Variants in GALNT18 observed in about 807,000 individuals in gnomAD.
The protein encoded by GALNT18 is polypeptide N-acetylgalactosaminyltransferase 18.
Under a neutral mutation model 69.5 loss-of-function variants are expected in GALNT18, and 44 were observed. The observed-to-expected ratio is 0.63, with a 90% CI of 0.50 to 0.81. GALNT18 has a LOEUF of 0.81. Among genes scored for constraint, GALNT18 ranks in the 40% least tolerant of loss-of-function variants. The pLI is 0.00. For missense variants in GALNT18, 715 were observed against 810.0 expected (o/e 0.88, Z 1.42); for synonymous variants, 364 against 318.2 (o/e 1.14, Z -1.53).
chr11:11,325,179 A>G (rs1849897409), intron 9 of GALNT18, among the ~76,000 whole-genome samples: 1 of 152,266 alleles, frequency 6.6e-6, no homozygotes, highest in African/African-American at 2.4e-5. Flanking sequence ...TCAGCCACAA[A>G]AAGAAATAAA....
intron 2 of GALNT18, among the ~76,000 whole-genome samples, chr11:11,437,404 C>T (rs1016333307): frequency 6.6e-5 from 10 of 152,090 alleles, no homozygotes; most frequent in African/African-American, 2.4e-4. Context: ...TCATGACAGA[C>T]TCCATTCTAT....
At chr11:11,321,977 GT>G (rs1333722851) in intron 9 of GALNT18, among the ~76,000 whole-genome samples, 23 of 152,336 alleles carry the variant, frequency 1.5e-4, no homozygotes, top group Admixed American at 6.5e-4. Flanking sequence ...TCAGTCCAGG[GT>G]TGGTTGCAGC....
intron 10 of GALNT18, among the ~76,000 whole-genome samples, chr11:11,292,262 G>C (rs563989380): frequency 6.6e-6 from 1 of 152,094 alleles, no homozygotes; most frequent in Non-Finnish European, 1.5e-5. Flanking sequence ...GGCTGAAAAT[G>C]GATCCTACCT....
At chr11:11,296,841 C>T (rs1849410689) in intron 9 of GALNT18, among the ~76,000 whole-genome samples, 2 of 152,106 alleles carry the variant, frequency 1.3e-5, no homozygotes. Flanking sequence ...GGAGGTTCGG[C>T]AAAGAGGATT....
At chr11:11,326,818 G>T (rs1050898491) in intron 9 of GALNT18, among the ~76,000 whole-genome samples, 6 of 152,184 alleles carry the variant, frequency 3.9e-5, no homozygotes, top group African/African-American at 1.4e-4. Context: ...TTTCTCTTTA[G>T]AAGTGTAACC....
Position 11,564,356 on chromosome 11 carries a change from C to A in GALNT18, c.235+57003G>T, listed in dbSNP as rs1349270536. Among the ~76,000 whole-genome samples the A allele has an allele frequency of 6.6e-6, 1 of 152,202 alleles. No homozygotes were observed. Among genetic ancestry groups the A allele is most frequent in the Non-Finnish European group, 1.5e-5 (1 of 68,048 alleles). ...GGGAGTCTACATTCTGCTGGCAACTCCAGCTGAGAACCCAAATCCCCGGAA... is the reference window on the plus strand; with the variant it reads ...GGGAGTCTACATTCTGCTGGCAACTACAGCTGAGAACCCAAATCCCCGGAA... On this transcript the variant is annotated intron_variant, in intron 1 of 10. Transcript: ENST00000227756. This position sits in a 1 kb window ranked among gnomAD's most constrained non-coding sequence, Gnocchi z 4.3.
chr11:11,567,817 G>A (rs1858689345), intron 1 of GALNT18, among the ~76,000 whole-genome samples: 1 of 152,228 alleles, frequency 6.6e-6, no homozygotes, highest in Admixed American at 6.5e-5. Flanking sequence ...CAAAGACTAT[G>A]TCCTAGGGAG....
At chr11:11,507,658 C>T (rs1857091820) in intron 1 of GALNT18, among the ~76,000 whole-genome samples, 1 of 152,168 alleles carries the variant, frequency 6.6e-6, no homozygotes, top group African/African-American at 2.4e-5. Context: ...TCCTGCTCCA[C>T]CTCTGTGATG....
chr11:11,565,902 A>G (rs1303390568), intron 1 of GALNT18, among the ~76,000 whole-genome samples: 1 of 152,232 alleles, frequency 6.6e-6, no homozygotes, highest in Non-Finnish European at 1.5e-5. Flanking sequence ...AAGACAGTGT[A>G]GAGAAGTGTT....
chr11:11,456,790 G>A (rs1855934612), intron 1 of GALNT18, among the ~76,000 whole-genome samples: 1 of 152,168 alleles, frequency 6.6e-6, no homozygotes, highest in African/African-American at 2.4e-5. Flanking sequence ...GTGCATGACT[G>A]TTTTTCAAAA....
intron 9 of GALNT18, among the ~76,000 whole-genome samples, chr11:11,301,533 G>A (rs1564886978): frequency 6.6e-6 from 1 of 152,228 alleles, no homozygotes. Context: ...GGAATGGGAA[G>A]CATTTATAAG....
At chr11:11,452,261 C>T (rs1405491822) in intron 1 of GALNT18, among the ~76,000 whole-genome samples, 1 of 152,224 alleles carries the variant, frequency 6.6e-6, no homozygotes, top group Non-Finnish European at 1.5e-5. Flanking sequence ...TCCTCCAGCT[C>T]TACCATTTGC....
In GALNT18 at chr11:11,413,112, A is replaced by G. The variant is rs536962243; in HGVS notation, c.595+19509T>C. Among the ~76,000 whole-genome samples the G allele has an allele frequency of 6.6e-6, 1 of 152,174 alleles. No individual in the cohort carries two copies. Among genetic ancestry groups the G allele is most frequent in the Non-Finnish European group, 1.5e-5 (1 of 68,038 alleles). On this transcript the variant is annotated intron_variant, in intron 3 of 10. Coordinates refer to ENST00000227756, the MANE Select transcript of GALNT18 (RefSeq NM_198516.3). The surrounding 1 kb of genome is among the most constrained non-coding windows in gnomAD (Gnocchi z 4.7). ...TGTCTTATCTCCCTACCCCACTGGC[A>G]TATCTTGAACTTCCTGAATAAACTG...
At chr11:11,361,790 C>T (rs1850651669) in intron 6 of GALNT18, among the ~76,000 whole-genome samples, 1 of 152,162 alleles carries the variant, frequency 6.6e-6, no homozygotes, top group Admixed American at 6.5e-5. Context: ...GCCATAAATC[C>T]TGACATCACG....
chr11:11,560,753 GTCCA>G (rs1858485959), intron 1 of GALNT18, among the ~76,000 whole-genome samples: 1 of 152,226 alleles, frequency 6.6e-6, no homozygotes, highest in Non-Finnish European at 1.5e-5. Context: ...GGCTGAAACA[GTCCA>G]TTTTCTTGGG....
chr11:11,419,820 G>A (rs1350816815), intron 3 of GALNT18, among the ~76,000 whole-genome samples: 1 of 152,012 alleles, frequency 6.6e-6, no homozygotes, highest in African/African-American at 2.4e-5. Flanking sequence ...TGGGACATGA[G>A]CTCCTAAAAT....
chr11:11,276,785 CTGGTT>C (rs1848958952), intron 10 of GALNT18, among the ~76,000 whole-genome samples: 2 of 152,140 alleles, frequency 1.3e-5, no homozygotes, highest in Non-Finnish European at 2.9e-5. Context: ...GTTTTTGTCA[CTGGTT>C]CTGTTTATGT....
At chr11:11,608,560 A>T (rs1358029705) in intron 1 of GALNT18, among the ~76,000 whole-genome samples, 2 of 152,002 alleles carry the variant, frequency 1.3e-5, no homozygotes, top group African/African-American at 4.8e-5. Flanking sequence ...ACAGGATTTC[A>T]TCATGTTGGT....
chr11:11,396,591 A>C lies in GALNT18; in HGVS notation c.596-17327T>G, dbSNP rs1169421318. ...GGAAGCCAAGCGTGGGGATGATCTC[A>C]TGGCAATTGCAAAGATTTGCACGCG... On this transcript the variant is annotated intron_variant, in intron 3 of 10. Coordinates refer to ENST00000227756, the MANE Select transcript of GALNT18 (RefSeq NM_198516.3). This position sits in a 1 kb window ranked among gnomAD's most constrained non-coding sequence, Gnocchi z 5.2. Among the ~76,000 whole-genome samples the C allele has an allele frequency of 6.6e-6, 1 of 152,150 alleles. No homozygotes were observed. The highest frequency in any genetic ancestry group is 1.5e-5 in the Non-Finnish European group (1 of 68,024).
Sources: gnomAD v4.1 joint callset for allele counts (sites outside exome capture counted in the v4.1 genomes callset) on GRCh38, gnomAD v4.1.1 for gene constraint, Gnocchi (gnomAD v3.1) non-coding constraint, MANE v1.5 for transcripts, NCBI Gene and HGNC (gene_info 2026-07-23, HGNC 2026-07-21) for gene names.